CRYBA1: variants seen among roughly 807,000 people sequenced by gnomAD.
CRYBA1 encodes crystallin beta A1.
CRYBA1 carries 25 observed loss-of-function variants against 36.2 expected under a neutral mutation model. The observed-to-expected ratio is 0.69, with a 90% CI of 0.50 to 0.97. The LOEUF (loss-of-function observed/expected upper bound fraction) is 0.97. Ranked by LOEUF, CRYBA1 falls within the 50% of genes least tolerant of loss-of-function variation. The probability of loss-of-function intolerance (pLI) is 0.00; values close to 1 mark genes in which losing one functional copy is unlikely to be tolerated. For missense variants in CRYBA1, 224 were observed against 276.3 expected (o/e 0.81, Z 1.34); for synonymous variants, 111 against 90.0 (o/e 1.23, Z -1.32).
rs1333755836 is a variant in CRYBA1 at position 29,252,178 on chromosome 17, C to G, written c.330C>G (p.Leu110=). The G allele has an allele frequency of 6.2e-7, 1 of 1,614,188 alleles. No individual in the cohort carries two copies. The highest frequency in any genetic ancestry group is 1.3e-5 in the African/African-American group (1 of 75,052). Residue 110 remains leucine (L), a synonymous_variant, in exon 4 of 6, where the codon CTC becomes CTG. Coordinates refer to ENST00000225387, the MANE Select transcript of CRYBA1 (RefSeq NM_005208.5). ...GTAATGCCTACCACATTGAGCGTCT[C>G]ATGTCCTTCCGCCCCATCTGTTCAG... is the stretch of plus-strand genomic sequence containing the variant. The part of the protein sequence containing the change: ...SGSNAYHIER[L]MSFRPICSAN...
intron 4 of CRYBA1, 25 bp downstream of exon 4, chr17:29,252,230 C>G (rs760281544): frequency 1.9e-6 from 3 of 1,613,642 alleles, no homozygotes; most frequent in African/African-American, 1.3e-5. Context: ...TTTCCACTTC[C>G]GTGCATATGA....
Position 29,253,980 on chromosome 17 carries a change from G to T in CRYBA1, c.500+198G>T, listed in dbSNP as rs550530315. ...CTCCCCCAGACATGCCTCTATGGAA[G>T]AATTTACGTTGACTACTTATACCTG... On this transcript the variant is annotated intron_variant, in intron 5 of 5. Coordinates refer to ENST00000225387, the MANE Select transcript of CRYBA1 (RefSeq NM_005208.5). Among the ~76,000 whole-genome samples the T allele has an allele frequency of 3.3e-5, 5 of 152,232 alleles. No homozygotes were observed. The South Asian group carries it at 1.0e-3, about 32-fold the overall frequency.
At chr17:29,247,991 C>G (rs1026788629) in intron 1 of CRYBA1, among the ~76,000 whole-genome samples, 1 of 152,102 alleles carries the variant, frequency 6.6e-6, no homozygotes, top group Admixed American at 6.6e-5. Flanking sequence ...TGGCACATGC[C>G]TGTAATCCCA....
Position 29,252,207 on chromosome 17 carries a change from T to C in CRYBA1, c.357+2T>C. 6.2e-7 allele frequency: 1 copy of C among 1,614,054 alleles called. No individual in the cohort carries two copies. The highest frequency in any genetic ancestry group is 8.5e-7 in the Non-Finnish European group (1 of 1,180,006). ...TCCTTCCGCCCCATCTGTTCAGCTG[T>C]GAGTCTCTGAAATTTCCACTTCCGT... On this transcript the variant is annotated splice_donor_variant, in intron 4 of 5. Coordinates refer to ENST00000225387, the MANE Select transcript of CRYBA1 (RefSeq NM_005208.5). LOFTEE classifies it high-confidence loss of function.
In CRYBA1 at chr17:29,254,201, G is replaced by C; in HGVS notation, c.501-1G>C. The C allele has an allele frequency of 6.2e-7, 1 of 1,614,034 alleles. No homozygotes were observed. Among genetic ancestry groups the C allele is most frequent in the Non-Finnish European group, 8.5e-7 (1 of 1,180,006 alleles). ...AATGAAATGTACTTTGAATTTCCTA[G>C]CTGGGTTTGCTACCAATATCCTGGA... On this transcript the variant is annotated splice_acceptor_variant, in intron 5 of 5. Transcript: ENST00000225387. LOFTEE classifies it high-confidence loss of function.
At position 29,250,298 on chromosome 17, in the gene CRYBA1, C is replaced by G; in HGVS notation, c.213C>G (p.Gly71=). The change falls in exon 3 of 6, where the codon GGC becomes GGG. Residue 71 remains glycine, a splice_region_variant and synonymous_variant. Coordinates refer to ENST00000225387, the MANE Select transcript of CRYBA1 (RefSeq NM_005208.5). ...TCCGGTCCCTGAAGGTGGAAAGTGG[C>G]GCGTGAGTATGGACTTCCGCAGAAC... ...DNVRSLKVES[G]AWIGYEHTSF... is the part of the protein sequence containing the mutation. 1.9e-6 allele frequency: 3 copies of G among 1,587,328 alleles called. No homozygotes were observed. Among genetic ancestry groups the G allele is most frequent in the Non-Finnish European group, 2.6e-6 (3 of 1,155,538 alleles).
At position 29,254,396 on chromosome 17, in the gene CRYBA1, G is replaced by A. The variant is rs367805344; in HGVS notation, c.*47G>A. On this transcript the variant is annotated 3_prime_UTR_variant, in exon 6 of 6. Transcript: ENST00000225387. Reference sequence around the variant, plus strand: ...GATAATTCCTCAAGCATGAGACCTTGCTAAGCACTCTAGAATAAGTTTTAT... The same window carrying A: ...GATAATTCCTCAAGCATGAGACCTTACTAAGCACTCTAGAATAAGTTTTAT... The A allele has an allele frequency of 8.8e-5, 141 of 1,596,446 alleles. No homozygotes were observed. In the African/African-American group the frequency reaches 1.7e-3, roughly 19 times the overall value.
chr17:29,249,200 A>G lies in CRYBA1; in HGVS notation c.90A>G (p.Pro30=), dbSNP rs762350210. The change falls in exon 2 of 6, where the codon CCA becomes CCG. Residue 30 remains proline, a synonymous_variant. Coordinates refer to ENST00000225387, the MANE Select transcript of CRYBA1 (RefSeq NM_005208.5). Reference sequence around the variant, plus strand: ...ACCCTACGCCGGGGTCCCTGGGGCCATGGAAGGTAAGCCCACCCCCATCAC... The same window carrying G: ...ACCCTACGCCGGGGTCCCTGGGGCCGTGGAAGGTAAGCCCACCCCCATCAC... ...QTNPTPGSLG[P]WKITIYDQEN... is the part of the protein sequence containing the mutation. 1 of 1,609,816 alleles carries G rather than the reference A, an allele frequency of 6.2e-7. No individual in the cohort carries two copies. The highest frequency in any genetic ancestry group is 8.5e-7 in the Non-Finnish European group (1 of 1,176,174).
At chr17:29,249,763 T>A (rs2068924096) in intron 2 of CRYBA1, among the ~76,000 whole-genome samples, 1 of 152,158 alleles carries the variant, frequency 6.6e-6, no homozygotes, top group Admixed American at 6.5e-5. Context: ...TGACCATAAC[T>A]CTCCTTTACA....
rs747366748 is a variant in CRYBA1 at position 29,246,898 on chromosome 17, A to G, written c.31+4A>G. 5.0e-6 allele frequency: 8 copies of G among 1,610,884 alleles called. No homozygotes were observed. Among genetic ancestry groups the G allele is most frequent in the Non-Finnish European group, 5.9e-6 (7 of 1,178,964 alleles). ...CAGGCTGAGCAGCAGGAGCTGGGTG[A>G]GTAAGGCCCTCAGGGTGCCCTTGCC... On this transcript the variant is annotated splice_donor_region_variant and intron_variant, in intron 1 of 5. Coordinates refer to ENST00000225387, the MANE Select transcript of CRYBA1 (RefSeq NM_005208.5).
chr17:29,247,865 G>A (rs909283195), intron 1 of CRYBA1, among the ~76,000 whole-genome samples: 2 of 152,126 alleles, frequency 1.3e-5, no homozygotes, highest in East Asian at 1.9e-4. Context: ...GCCTGTAATC[G>A]CAGCACTTTG....
rs62065193 is a variant in CRYBA1, at chr17:29,254,480, T to C, written c.*131T>C. 14 of 963,018 alleles carry C rather than the reference T, an allele frequency of 1.5e-5. No homozygotes were observed. Among genetic ancestry groups the C allele is most frequent in the South Asian group, 1.3e-4 (9 of 69,112 alleles). The allele number at this position is 963,018 out of a possible 1,614,324, so 59.7% of individuals were successfully genotyped here. ...CTGCTGAAATCCACAATAAACGTCATTTAAAAAAAAAAAACTTTGTAGACT... is the reference window on the plus strand; with the variant it reads ...CTGCTGAAATCCACAATAAACGTCACTTAAAAAAAAAAAACTTTGTAGACT... On this transcript the variant is annotated 3_prime_UTR_variant, in exon 6 of 6. Transcript: ENST00000225387.
chr17:29,250,358 G>A (rs200056079), intron 3 of CRYBA1, 58 bp downstream of exon 3: 167 of 968,376 alleles, frequency 1.7e-4, no homozygotes, highest in Non-Finnish European at 2.6e-4. Context: ...TCAGACAGGG[G>A]ACCATAGAGT....
chr17:29,249,682 G>A (rs918223801), intron 2 of CRYBA1, among the ~76,000 whole-genome samples: 2 of 152,230 alleles, frequency 1.3e-5, no homozygotes, highest in African/African-American at 4.8e-5. Context: ...TCTGAGGCCA[G>A]CTCACAGCTT....
chr17:29,254,364 C>A lies in CRYBA1; in HGVS notation c.*15C>A, dbSNP rs1377122028. On this transcript the variant is annotated 3_prime_UTR_variant, in exon 6 of 6. Transcript: ENST00000225387. ...TCCAACAGTAGCTGATTAAAAGCTC[C>A]AAGTACGATAATTCCTCAAGCATGA... The A allele has an allele frequency of 6.2e-7, 1 of 1,613,732 alleles. No homozygotes were observed. Among genetic ancestry groups the A allele is most frequent in the South Asian group, 1.1e-5 (1 of 91,086 alleles).
rs2068955403 is a variant in CRYBA1, at chr17:29,254,287, A to G, written c.586A>G (p.Arg196Gly). The change falls in exon 6 of 6, where the codon AGA becomes GGA. Residue 196 changes from arginine to glycine, a missense_variant. Arg to Gly is a moderately radical substitution (Grantham distance 125). Coordinates refer to ENST00000225387, the MANE Select transcript of CRYBA1 (RefSeq NM_005208.5). ...TCATGGAGGAGACTATAAACATTGG[A>G]GAGAGTGGGGCTCTCATGCCCAGAC... ...DHHGGDYKHW[R>G]EWGSHAQTSQ... 6.2e-7 allele frequency: 1 copy of G among 1,614,166 alleles called. No homozygotes were observed.
In CRYBA1 at chr17:29,246,879, G is replaced by A. The variant is rs1205466371; in HGVS notation, c.16G>A (p.Glu6Lys). ...GTGGTACCAGATGGAGACCCAGGCT[G>A]AGCAGCAGGAGCTGGGTGAGTAAGG... METQA[E>K]QQELETLPTT... is the part of the protein sequence containing the mutation. Residue 6 changes from glutamate (E) to lysine (K), a missense_variant, in exon 1 of 6, where the codon GAG becomes AAG. Coordinates refer to ENST00000225387, the MANE Select transcript of CRYBA1 (RefSeq NM_005208.5). 1 of 1,612,366 alleles carries A rather than the reference G, an allele frequency of 6.2e-7. No individual in the cohort carries two copies. Among genetic ancestry groups the A allele is most frequent in the Non-Finnish European group, 8.5e-7 (1 of 1,179,606 alleles).
At chr17:29,251,121 G>C (rs1427354084) in intron 3 of CRYBA1, among the ~76,000 whole-genome samples, 3 of 152,266 alleles carry the variant, frequency 2.0e-5, no homozygotes, top group South Asian at 4.1e-4. Context: ...GAAAGAACTC[G>C]CAAGTCACAG....
chr17:29,253,116 G>A (rs1045352841), intron 4 of CRYBA1, among the ~76,000 whole-genome samples: 1 of 152,068 alleles, frequency 6.6e-6, no homozygotes, highest in African/African-American at 2.4e-5. Context: ...ATAGTTCCCT[G>A]GTGTCCCTTT....
Sources: allele counts gnomAD v4.1 joint callset (sites outside exome capture counted in the v4.1 genomes callset), GRCh38; gene constraint gnomAD v4.1.1; transcripts MANE v1.5; gene names NCBI Gene and HGNC (gene_info 2026-07-23, HGNC 2026-07-21).